Variants in CCDC7 observed in about 807,000 individuals in gnomAD.
CCDC7 encodes the protein coiled-coil domain-containing protein 7.
In CCDC7, 183 loss-of-function variants were observed where a neutral mutation model predicts 196.9. The ratio of observed to expected loss-of-function variants is 0.93; its 90% CI spans 0.82 to 1.05. The LOEUF (loss-of-function observed/expected upper bound fraction) is 1.05, where lower values mean the gene tolerates loss of function less well. CCDC7 is among the 50% of genes least tolerant of loss of function. The probability of loss-of-function intolerance (pLI) is 0.00; values close to 1 mark genes in which losing one functional copy is unlikely to be tolerated. For synonymous variants in CCDC7, 525 were observed against 484.6 expected (o/e 1.08, Z -1.10); for missense variants, 1,540 against 1,482.2 (o/e 1.04, Z -0.64).
In CCDC7 at chr10:32,634,308, CA is replaced by C. The variant is rs2065288831; in HGVS notation, c.1860del (p.Val621SerfsTer3). 1 of 1,218,608 alleles carries C rather than the reference CA, an allele frequency of 8.2e-7. No individual in the cohort carries two copies. The highest frequency in any genetic ancestry group is 1.0e-6 in the Non-Finnish European group (1 of 975,922). 75.5% of individuals were successfully genotyped at this position (1,218,608 alleles called of 1,614,324 possible). A position where few individuals can be genotyped will look rare whatever the true frequency, so the allele number is the denominator to read the frequency against. ...ATGGTTGAAAATAAAGATTCAGTAA[CA>C]AAAGTCCAAATAGAACAAATGAAAC... On this transcript the variant is annotated frameshift_variant, in exon 19 of 42. Coordinates refer to ENST00000639629, the Ensembl canonical transcript of CCDC7. LOFTEE classifies it high-confidence loss of function.
intron 9 of CCDC7, among the ~76,000 whole-genome samples, chr10:32,498,673 T>C (rs2043301015): frequency 1.3e-5 from 2 of 152,200 alleles, no homozygotes; most frequent in African/African-American, 4.8e-5. Flanking sequence ...AAATTCTGGG[T>C]TGAAAATTCT....
chr10:32,676,188 A>AAGCTGAAACTGG (rs373621954), intron 21 of CCDC7, among the ~76,000 whole-genome samples: 1 of 35,492 alleles, frequency 2.8e-5, no homozygotes, highest in Non-Finnish European at 8.7e-5. Flanking sequence ...CCATATGTAG[A>AAGCTGAAACTGG]ATCCCTTCCT....
chr10:32,828,439 G>GAAGGAGAAGAAGA lies in CCDC7; in HGVS notation c.3268+3836_3268+3837insAGGAGAAGAAGAA, dbSNP rs1491102454. ...AGGAGAAGAAGAAGAAGGAAGGAAG[G>GAAGGAGAAGAAGA]AGAAGAAGAAGAAGAAGAAGAAGAA... On this transcript the variant is annotated intron_variant, in intron 32 of 41. Transcript: ENST00000639629. 5.5e-3 allele frequency among the ~76,000 whole-genome samples: 315 copies of GAAGGAGAAGAAGA among 56,846 alleles called. 10 individuals carry two copies. The highest frequency in any genetic ancestry group is 9.5e-3 in the African/African-American group (216 of 22,708). The allele number at this position is 56,846 out of a possible 152,430, so 37.3% of individuals were successfully genotyped here.
At chr10:32,446,151 C>T (rs993858160) in exon 1 of CCDC7, 1 of 152,116 alleles carries the variant, frequency 6.6e-6, no homozygotes, top group African/African-American at 2.4e-5. Context: ...ACGGCCCCAT[C>T]CGGCGCCGGC....
chr10:32,825,397 T>C (rs1396098005), intron 32 of CCDC7, among the ~76,000 whole-genome samples: 1 of 152,136 alleles, frequency 6.6e-6, no homozygotes, highest in African/African-American at 2.4e-5. Context: ...GGCTAGAATA[T>C]AAAGCAGACA....
At chr10:32,555,647 T>C (rs910258596) in intron 13 of CCDC7, among the ~76,000 whole-genome samples, 2 of 152,138 alleles carry the variant, frequency 1.3e-5, no homozygotes, top group African/African-American at 4.8e-5. Context: ...GGGAAAAAAT[T>C]GTTGGTAGCC....
chr10:32,867,664 A>G (rs946450700), intron 41 of CCDC7, among the ~76,000 whole-genome samples: 2 of 151,764 alleles, frequency 1.3e-5, no homozygotes, highest in Non-Finnish European at 2.9e-5. Context: ...TAAAATAGAA[A>G]TAATAGTAAG....
intron 31 of CCDC7, among the ~76,000 whole-genome samples, chr10:32,821,265 C>G (rs2090131646): frequency 6.6e-6 from 1 of 152,134 alleles, no homozygotes; most frequent in South Asian, 2.1e-4. Flanking sequence ...CAATGAGATA[C>G]CATCTCACAC....
chr10:32,494,587 T>A (rs564096185), intron 9 of CCDC7, among the ~76,000 whole-genome samples: 30 of 152,258 alleles, frequency 2.0e-4, no homozygotes, highest in African/African-American at 5.5e-4. Context: ...GATGTTCCCC[T>A]CCCTGTGTCC....
intron 25 of CCDC7, among the ~76,000 whole-genome samples, chr10:32,713,539 C>G (rs1012042863): frequency 6.6e-6 from 1 of 152,210 alleles, no homozygotes; most frequent in Non-Finnish European, 1.5e-5. Flanking sequence ...CTTCCTTCAT[C>G]AAGGAAGCAA....
intron 32 of CCDC7, among the ~76,000 whole-genome samples, chr10:32,824,904 T>C (rs2090884288): frequency 6.6e-6 from 1 of 152,244 alleles, no homozygotes; most frequent in Non-Finnish European, 1.5e-5. Flanking sequence ...GAAAGTTGCT[T>C]TGTATTTGCA....
chr10:32,493,364 T>A (rs1221248167), intron 9 of CCDC7, among the ~76,000 whole-genome samples: 1 of 149,360 alleles, frequency 6.7e-6, no homozygotes, highest in Non-Finnish European at 1.5e-5. Context: ...GATAATATTT[T>A]ATATTTATAT....
chr10:32,574,982 T>G (rs2058029478), intron 16 of CCDC7, among the ~76,000 whole-genome samples: 1 of 152,216 alleles, frequency 6.6e-6, no homozygotes. Flanking sequence ...TTGGGTATTG[T>G]GTTTTACTGA....
chr10:32,845,732 C>A, intron 35 of CCDC7, 106 bp downstream of exon 36: 1 of 1,163,212 alleles, frequency 8.6e-7, no homozygotes, highest in Non-Finnish European at 1.3e-6. Flanking sequence ...GTTGGTATTA[C>A]ACAGGTAAAA....
intron 2 of CCDC7, among the ~76,000 whole-genome samples, chr10:32,454,931 C>T (rs2033978529): frequency 1.3e-5 from 2 of 152,154 alleles, no homozygotes; most frequent in Admixed American, 6.5e-5. Context: ...GTCCGAAATC[C>T]TCCTTGTGCC....
At chr10:32,876,239 T>A in intron 41 of CCDC7, 108 bp from the exon 43 acceptor site, 1 of 782,124 alleles carries the variant, frequency 1.3e-6, no homozygotes, top group East Asian at 2.8e-5. Flanking sequence ...TTTCATTGTT[T>A]ATATTATTCA....
At chr10:32,537,450 C>A (rs2050706387) in intron 11 of CCDC7, among the ~76,000 whole-genome samples, 1 of 152,100 alleles carries the variant, frequency 6.6e-6, no homozygotes, top group African/African-American at 2.4e-5. Context: ...TCTAGGTTGC[C>A]TGTTTACTCT....
intron 18 of CCDC7, among the ~76,000 whole-genome samples, chr10:32,597,883 A>G (rs150359198): frequency 6.6e-6 from 1 of 152,148 alleles, no homozygotes; most frequent in South Asian, 2.1e-4. Context: ...TCAGAGGGGC[A>G]CCCGGCCTTA....
chr10:32,751,412 G>A (rs2075636543), intron 28 of CCDC7, among the ~76,000 whole-genome samples: 1 of 152,012 alleles, frequency 6.6e-6, no homozygotes, highest in South Asian at 2.1e-4. Context: ...GGCAGTCTCA[G>A]CTTCTAGTTT....
Sources: allele counts gnomAD v4.1 joint callset (sites outside exome capture counted in the v4.1 genomes callset), GRCh38; gene constraint gnomAD v4.1.1; transcripts MANE v1.5; gene names NCBI Gene and HGNC (gene_info 2026-07-23, HGNC 2026-07-21).